Variants in QRFPR observed in about 807,000 individuals in gnomAD.
The protein encoded by QRFPR is pyroglutamylated RFamide peptide receptor, also known as pyroglutamylated RF-amide peptide receptor.
QRFPR carries 37 observed loss-of-function variants against 31.3 expected under a neutral mutation model. The ratio of observed to expected loss-of-function variants is 1.18; its 90% CI spans 0.91 to 1.56. The LOEUF (loss-of-function observed/expected upper bound fraction) is 1.56. QRFPR is among the 40% of genes most tolerant of loss of function. QRFPR has a pLI of 0.00. For synonymous variants in QRFPR, 197 were observed against 192.0 expected, an observed-to-expected ratio of 1.03 and a Z score of -0.22; for missense variants, 542 against 532.5, an observed-to-expected ratio of 1.02 and a Z score of -0.18.
intron 1 of QRFPR, among the ~76,000 whole-genome samples, chr4:121,379,407 G>A (rs1293425718): frequency 6.6e-6 from 1 of 152,166 alleles, no homozygotes; most frequent in Non-Finnish European, 1.5e-5. Context: ...TTTTGATGTG[G>A]CCACAAGAAT....
intron 1 of QRFPR, among the ~76,000 whole-genome samples, chr4:121,378,985 C>T (rs1217340394): frequency 4.6e-5 from 7 of 152,120 alleles, no homozygotes; most frequent in South Asian, 4.2e-4. Flanking sequence ...AACCAAGTTC[C>T]GTATGATGAT....
At position 121,380,680 on chromosome 4, in the gene QRFPR, C is replaced by T; in HGVS notation, c.-33G>A. 1 of 1,469,188 alleles carries T rather than the reference C, an allele frequency of 6.8e-7. No individual in the cohort carries two copies. Among genetic ancestry groups the T allele is most frequent in the South Asian group, 1.4e-5 (1 of 70,576 alleles). The allele number at this position is 1,469,188 out of a possible 1,614,324, so 91.0% of individuals were successfully genotyped here. A position where few individuals can be genotyped will look rare whatever the true frequency, so the allele number is the denominator to read the frequency against. ...CGCTCCCGGGACGCGGGGCCACCGC[C>T]CGCTACTGGCTGGCCATCCGCATCT... On this transcript the variant is annotated 5_prime_UTR_variant, in exon 1 of 6. Transcript: ENST00000394427.
At chr4:121,344,804 C>T (rs139770681) in intron 1 of QRFPR, among the ~76,000 whole-genome samples, 1 of 152,276 alleles carries the variant, frequency 6.6e-6, no homozygotes, top group Non-Finnish European at 1.5e-5. Context: ...TCTCTGTTAG[C>T]TCTTCAGTCA....
In QRFPR at chr4:121,365,943, C is replaced by T. The variant is rs184666537; in HGVS notation, c.340+14365G>A. On this transcript the variant is annotated intron_variant, in intron 1 of 5. Coordinates refer to ENST00000394427, the MANE Select transcript of QRFPR (RefSeq NM_198179.3). ...AGGGGCCTCTGCATTAGTAGACTTG[C>T]GGGCTGGGTTACTTATAGTCAGTGT... Among the ~76,000 whole-genome samples the T allele has an allele frequency of 9.5e-5, 14 of 147,528 alleles. 2 individuals carry two copies. The highest frequency in any genetic ancestry group is 2.5e-4 in the African/African-American group (10 of 39,568).
intron 1 of QRFPR, among the ~76,000 whole-genome samples, chr4:121,373,278 A>G (rs1427170838): frequency 6.6e-6 from 1 of 152,212 alleles, no homozygotes; most frequent in Middle Eastern, 3.2e-3. Context: ...CTAAGTAGAG[A>G]GAATCTTTTA....
At chr4:121,330,951 G>C (rs78453079) in intron 4 of QRFPR, among the ~76,000 whole-genome samples, 4,329 of 152,112 alleles carry the variant, frequency 0.028, 82 homozygotes, top group South Asian at 0.055. Flanking sequence ...ATTCATGCCT[G>C]TGGTAGTAAA....
intron 1 of QRFPR, among the ~76,000 whole-genome samples, chr4:121,376,794 C>T (rs576826832): frequency 1.3e-5 from 2 of 152,060 alleles, no homozygotes; most frequent in South Asian, 4.2e-4. Context: ...CTCTGTGTAG[C>T]CAGGTCTAAG....
chr4:121,331,715 T>C (rs1725330206), intron 4 of QRFPR, among the ~76,000 whole-genome samples: 1 of 151,370 alleles, frequency 6.6e-6, no homozygotes, highest in African/African-American at 2.4e-5. Context: ...TGCAGTGGCG[T>C]GATCTCGGCT....
chr4:121,355,951 A>C (rs1725861292), intron 1 of QRFPR, among the ~76,000 whole-genome samples: 1 of 152,076 alleles, frequency 6.6e-6, no homozygotes, highest in South Asian at 2.1e-4. Context: ...TTTTCAAAAA[A>C]ATTTTGAGAC....
intron 1 of QRFPR, among the ~76,000 whole-genome samples, chr4:121,376,321 T>C (rs1487932508): frequency 6.6e-6 from 1 of 152,050 alleles, no homozygotes; most frequent in East Asian, 1.9e-4. Flanking sequence ...GATGGTAAGG[T>C]GGATGAAAGG....
At chr4:121,376,507 G>A (rs1726355046) in intron 1 of QRFPR, among the ~76,000 whole-genome samples, 1 of 151,376 alleles carries the variant, frequency 6.6e-6, no homozygotes, top group Non-Finnish European at 1.5e-5. Context: ...TTGCTCAGTG[G>A]TGTGCTGGGA....
intron 4 of QRFPR, among the ~76,000 whole-genome samples, chr4:121,331,224 G>A (rs926250152): frequency 1.8e-5 from 2 of 110,886 alleles, no homozygotes; most frequent in Non-Finnish European, 3.3e-5. Flanking sequence ...TTACTCGGTT[G>A]CCCAGGCTGT....
intron 1 of QRFPR, among the ~76,000 whole-genome samples, chr4:121,349,532 C>A (rs1725723463): frequency 6.6e-6 from 1 of 152,044 alleles, no homozygotes; most frequent in South Asian, 2.1e-4. Flanking sequence ...AAAATAATTT[C>A]TTTTCAGAGA....
intron 1 of QRFPR, chr4:121,370,283 G>C (rs1726211710): frequency 2.6e-6 from 2 of 784,070 alleles, no homozygotes; most frequent in South Asian, 2.7e-5. Context: ...TGAAGGGCAG[G>C]GACATCTTGC....
intron 3 of QRFPR, chr4:121,334,633 A>C: frequency 2.5e-6 from 1 of 398,830 alleles, no homozygotes; most frequent in Non-Finnish European, 5.0e-6. Flanking sequence ...GCAGAGAAAA[A>C]AAGGTATTTG....
chr4:121,334,492 G>A (rs1403650696), intron 3 of QRFPR: 5 of 177,222 alleles, frequency 2.8e-5, no homozygotes, highest in Middle Eastern at 4.9e-4. Flanking sequence ...ATCTTACCAC[G>A]GGGCACCAAA....
chr4:121,356,107 T>C (rs187138876), intron 1 of QRFPR, among the ~76,000 whole-genome samples: 1 of 152,270 alleles, frequency 6.6e-6, no homozygotes, highest in East Asian at 1.9e-4. Context: ...TCTGACATTT[T>C]TTTGGTTGAT....
At chr4:121,349,015 T>G (rs1390877399) in intron 1 of QRFPR, among the ~76,000 whole-genome samples, 1 of 152,036 alleles carries the variant, frequency 6.6e-6, no homozygotes, top group Non-Finnish European at 1.5e-5. Flanking sequence ...GAGAATGGCG[T>G]GAACCCGGGA....
intron 2 of QRFPR, 105 bp from the exon 3 acceptor site, chr4:121,336,973 TGC>T: frequency 9.6e-7 from 1 of 1,036,808 alleles, no homozygotes; most frequent in Non-Finnish European, 1.5e-6. Context: ...AGCTGTTCTC[TGC>T]CCTAGGGCAG....
Sources: allele counts gnomAD v4.1 joint callset (sites outside exome capture counted in the v4.1 genomes callset), GRCh38; gene constraint gnomAD v4.1.1; transcripts MANE v1.5; gene names NCBI Gene and HGNC (gene_info 2026-07-23, HGNC 2026-07-21).